Variants in RO60 observed in about 807,000 individuals in gnomAD.
The protein encoded by RO60 is Ro60, Y RNA binding protein.
RO60 carries 20 observed loss-of-function variants against 55.3 expected under a neutral mutation model. The ratio of observed to expected loss-of-function variants is 0.36; its 90% CI spans 0.25 to 0.53. The LOEUF is 0.53. Ranked by LOEUF, RO60 falls within the 20% of genes least tolerant of loss-of-function variation. The pLI is 0.92. For synonymous variants in RO60, 213 were observed against 213.6 expected (o/e 1.00, Z 0.02); for missense variants, 558 against 646.6 (o/e 0.86, Z 1.49).
intron 8 of RO60, among the ~76,000 whole-genome samples, chr1:193,083,271 T>G (rs184048040): frequency 4.6e-5 from 7 of 152,380 alleles, no homozygotes; most frequent in Admixed American, 3.9e-4. Context: ...ATATTTGTTT[T>G]ACCTTAGCTG....
In RO60 at chr1:193,077,114, AT is replaced by A. The variant is rs949984581; in HGVS notation, c.1086+68del. The A allele has an allele frequency of 4.0e-5, 57 of 1,437,936 alleles. No homozygotes were observed. The African/African-American group carries it at 7.5e-4, about 19-fold the overall frequency. 89.1% of individuals were successfully genotyped at this position (1,437,936 alleles called of 1,614,324 possible). On this transcript the variant is annotated intron_variant, in intron 5 of 8. Transcript: ENST00000400968. ...GACTTAATATCTTTTGTAATAATAC[AT>A]TTTAAAGGTAGTATTAATAGTTTAA...
chr1:193,084,382 G>C (rs1222959206), intron 8 of RO60, among the ~76,000 whole-genome samples, 197 bp from the exon 9 acceptor site: 1 of 152,138 alleles, frequency 6.6e-6, no homozygotes, highest in African/African-American at 2.4e-5. Context: ...AGAAATTTCA[G>C]GCAGATTCTT....
At chr1:193,063,693 C>T (rs2103018610) in intron 1 of RO60, among the ~76,000 whole-genome samples, 1 of 152,304 alleles carries the variant, frequency 6.6e-6, no homozygotes, top group South Asian at 2.1e-4. Context: ...GGGTTGGCAT[C>T]AGATCCCACA....
At chr1:193,080,928 G>A (rs1471622306) in intron 5 of RO60, among the ~76,000 whole-genome samples, 1 of 152,128 alleles carries the variant, frequency 6.6e-6, no homozygotes, top group Non-Finnish European at 1.5e-5. Context: ...AAAAGTTCTT[G>A]AAATAGATAG....
chr1:193,069,880 C>A (rs1673363596), intron 2 of RO60, among the ~76,000 whole-genome samples: 1 of 152,108 alleles, frequency 6.6e-6, no homozygotes, highest in South Asian at 2.1e-4. Context: ...TCTTAAAATG[C>A]CACCGTCCTA....
intron 1 of RO60, among the ~76,000 whole-genome samples, chr1:193,066,969 C>T (rs1285973237): frequency 6.6e-6 from 1 of 151,878 alleles, no homozygotes; most frequent in Non-Finnish European, 1.5e-5. Context: ...TTTATACTTC[C>T]TTGCTCACTC....
In RO60 at chr1:193,059,722, C is replaced by A. The variant is rs1204690559; in HGVS notation, c.-76C>A. The A allele has an allele frequency of 7.4e-7, 1 of 1,353,296 alleles. No homozygotes were observed. Among genetic ancestry groups the A allele is most frequent in the Non-Finnish European group, 9.8e-7 (1 of 1,016,052 alleles). The allele number at this position is 1,353,296 out of a possible 1,614,324, so 83.8% of individuals were successfully genotyped here. A position where few individuals can be genotyped will look rare whatever the true frequency, so the allele number is the denominator to read the frequency against. ...CTTCTTTTGTCGTTTCCCAGCGCTG[C>A]GCAGGACTTCTCCTGGCGGCGCTGC... On this transcript the variant is annotated 5_prime_UTR_variant, in exon 1 of 9. Coordinates refer to ENST00000400968, the MANE Select transcript of RO60 (RefSeq NM_001173524.2). The surrounding 1 kb of genome is among the most constrained non-coding windows in gnomAD (Gnocchi z 4.9).
At chr1:193,070,600 G>C (rs906492655) in intron 2 of RO60, 5 of 449,674 alleles carry the variant, frequency 1.1e-5, no homozygotes, top group Admixed American at 7.1e-5. Flanking sequence ...TCACATTTCA[G>C]TTCTGTGGAC....
At chr1:193,071,123 C>T (rs1276110261) in intron 2 of RO60, among the ~76,000 whole-genome samples, 1 of 152,154 alleles carries the variant, frequency 6.6e-6, no homozygotes, top group African/African-American at 2.4e-5. Flanking sequence ...ACCTAGATCC[C>T]TCACATGCTC....
At chr1:193,069,931 G>A (rs1412622448) in intron 2 of RO60, among the ~76,000 whole-genome samples, 1 of 152,146 alleles carries the variant, frequency 6.6e-6, no homozygotes, top group Non-Finnish European at 1.5e-5. Flanking sequence ...TGTGTAAGTA[G>A]CAGGGGCAAG....
chr1:193,083,651 A>G (rs1296893828), intron 8 of RO60, among the ~76,000 whole-genome samples: 2 of 152,242 alleles, frequency 1.3e-5, no homozygotes, highest in Non-Finnish European at 2.9e-5. Flanking sequence ...GACCTGCTGA[A>G]TCAGAAACTC....
chr1:193,068,620 T>C (rs912946089), intron 1 of RO60, among the ~76,000 whole-genome samples: 1 of 152,238 alleles, frequency 6.6e-6, no homozygotes, highest in African/African-American at 2.4e-5. Context: ...GATGCCATAC[T>C]GATCTACCTG....
At position 193,088,254 on chromosome 1, in the gene RO60, T is replaced by C. The variant is rs1674709542; in HGVS notation, c.*3523T>C. The C allele has an allele frequency of 6.8e-6, 1 of 147,956 alleles. No individual in the cohort carries two copies. The highest frequency in any genetic ancestry group is 2.5e-5 in the African/African-American group (1 of 39,684). The allele number at this position is 147,956 out of a possible 1,614,324, so 9.2% of individuals were successfully genotyped here. On this transcript the variant is annotated 3_prime_UTR_variant, in exon 9 of 9. Coordinates refer to ENST00000400968, the MANE Select transcript of RO60 (RefSeq NM_001173524.2). The stretch of plus-strand genomic sequence containing the variant: ...GTCAAACTCCTGGGCTCAAGGGATC[T>C]TCCTGCCTTGGCCTCCCGAAGTGCT...
intron 5 of RO60, among the ~76,000 whole-genome samples, chr1:193,079,532 A>G (rs1302609324): frequency 6.6e-6 from 1 of 152,224 alleles, no homozygotes; most frequent in Non-Finnish European, 1.5e-5. Context: ...GAATTAGTTC[A>G]AAGTGGATCA....
At chr1:193,070,530 T>G (rs1405789507) in intron 2 of RO60, 1 of 236,304 alleles carries the variant, frequency 4.2e-6, no homozygotes, top group East Asian at 1.3e-4. Flanking sequence ...AAATTTGACT[T>G]TTTTTTTTTT....
intron 1 of RO60, among the ~76,000 whole-genome samples, chr1:193,067,333 C>A (rs192347030): frequency 2.6e-5 from 4 of 151,660 alleles, no homozygotes; most frequent in African/African-American, 9.7e-5. Context: ...GGGACTACAG[C>A]GCCTGCCAAC....
At chr1:193,066,455 C>G (rs548009265) in intron 1 of RO60, among the ~76,000 whole-genome samples, 187 of 152,320 alleles carry the variant, frequency 1.2e-3, no homozygotes, top group Middle Eastern at 0.01. Flanking sequence ...TGCAGTTGCT[C>G]TCACTAGTCA....
intron 8 of RO60, among the ~76,000 whole-genome samples, chr1:193,083,897 G>C (rs545003662): frequency 3.5e-4 from 54 of 152,298 alleles, no homozygotes; most frequent in African/African-American, 1.3e-3. Flanking sequence ...ATAGAATGTA[G>C]AGTAAAGACT....
intron 2 of RO60, among the ~76,000 whole-genome samples, chr1:193,073,754 T>C (rs979291791): frequency 1.3e-5 from 2 of 152,198 alleles, no homozygotes; most frequent in African/African-American, 4.8e-5. Context: ...TTTTTTATTA[T>C]ACTTTAAGTT....
Sources: gnomAD v4.1 joint callset for allele counts (sites outside exome capture counted in the v4.1 genomes callset) on GRCh38, gnomAD v4.1.1 for gene constraint, Gnocchi (gnomAD v3.1) non-coding constraint, MANE v1.5 for transcripts, NCBI Gene and HGNC (gene_info 2026-07-23, HGNC 2026-07-21) for gene names.